KIRREL3: variants seen among roughly 807,000 people sequenced by gnomAD.
KIRREL3 encodes the protein kin of IRRE-like protein 3.
Under a neutral mutation model 89.7 loss-of-function variants are expected in KIRREL3, and 36 were observed. That is an observed-to-expected ratio of 0.40 (90% CI 0.31 to 0.53). The LOEUF is 0.53. Ranked by LOEUF, KIRREL3 falls within the 20% of genes least tolerant of loss-of-function variation. KIRREL3 has a pLI of 0.49. For synonymous variants in KIRREL3, 445 were observed against 441.4 expected (o/e 1.01, Z -0.10); for missense variants, 864 against 1,056.6 (o/e 0.82, Z 2.53).
At chr11:126,874,620 G>A (rs1427225556) in intron 1 of KIRREL3, among the ~76,000 whole-genome samples, 1 of 152,192 alleles carries the variant, frequency 6.6e-6, no homozygotes, top group African/African-American at 2.4e-5. Context: ...AAACAGTTTG[G>A]GAAGGAATTA....
In KIRREL3 at chr11:126,521,195, GC is replaced by G; in HGVS notation, c.433+119del. ...TATTGTGGAAGCAGCAGTGTCTGGAGCCCTGTGGGATGATCCCCAGAGGGGA... is the reference window on the plus strand; with the variant it reads ...TATTGTGGAAGCAGCAGTGTCTGGAGCCTGTGGGATGATCCCCAGAGGGGA... On this transcript the variant is annotated intron_variant, in intron 4 of 16. Coordinates refer to ENST00000525144, the MANE Select transcript of KIRREL3 (RefSeq NM_032531.4). The surrounding 1 kb of genome is among the most constrained non-coding windows in gnomAD (Gnocchi z 4.1). 9.3e-7 allele frequency: 1 copy of G among 1,076,950 alleles called. No individual in the cohort carries two copies. The highest frequency in any genetic ancestry group is 3.2e-5 in the Admixed American group (1 of 31,282). The allele number at this position is 1,076,950 out of a possible 1,614,324, so 66.7% of individuals were successfully genotyped here. A position where few individuals can be genotyped will look rare whatever the true frequency, so the allele number is the denominator to read the frequency against.
At chr11:126,713,737 G>GT (rs1947849879) in intron 1 of KIRREL3, among the ~76,000 whole-genome samples, 1 of 152,130 alleles carries the variant, frequency 6.6e-6, no homozygotes, top group African/African-American at 2.4e-5. Context: ...GTGGGGTTCC[G>GT]TAGGGGGATC....
In KIRREL3 at chr11:126,492,057, C is replaced by T. The variant is rs1339210397; in HGVS notation, c.434-18591G>A. Among the ~76,000 whole-genome samples the T allele has an allele frequency of 6.6e-6, 1 of 152,152 alleles. No individual in the cohort carries two copies. The highest frequency in any genetic ancestry group is 2.1e-4 in the South Asian group (1 of 4,824). On this transcript the variant is annotated intron_variant, in intron 4 of 16. Transcript: ENST00000525144. The surrounding 1 kb of genome is among the most constrained non-coding windows in gnomAD (Gnocchi z 4.8). ...ATCTGGACTTTTATTGTCTCACTTCCCTTCAGTGAGCCAAAGGGCCCCATC... is the reference window on the plus strand; with the variant it reads ...ATCTGGACTTTTATTGTCTCACTTCTCTTCAGTGAGCCAAAGGGCCCCATC...
At chr11:126,592,692 A>G (rs1942198880) in intron 1 of KIRREL3, among the ~76,000 whole-genome samples, 1 of 152,204 alleles carries the variant, frequency 6.6e-6, no homozygotes, top group Non-Finnish European at 1.5e-5. Context: ...GGAGGGAGCC[A>G]GGGTGGGGAG....
Position 126,740,553 on chromosome 11 carries a change from T to C in KIRREL3, c.56-177641A>G, listed in dbSNP as rs1317142458. ...ACATGTTCCTTATATTTGTGATGTA[T>C]TCCTATGGGCAAAGTATCGCTCTAG... On this transcript the variant is annotated intron_variant, in intron 1 of 16. Coordinates refer to ENST00000525144, the MANE Select transcript of KIRREL3 (RefSeq NM_032531.4). This position sits in a 1 kb window ranked among gnomAD's most constrained non-coding sequence, Gnocchi z 6.0. Among the ~76,000 whole-genome samples, 1 of 152,122 alleles carries C rather than the reference T, an allele frequency of 6.6e-6. No individual in the cohort carries two copies. Among genetic ancestry groups the C allele is most frequent in the Non-Finnish European group, 1.5e-5 (1 of 68,024 alleles).
intron 4 of KIRREL3, among the ~76,000 whole-genome samples, chr11:126,493,991 G>A (rs1412149620): frequency 2.0e-5 from 3 of 152,144 alleles, no homozygotes; most frequent in African/African-American, 4.8e-5. Context: ...CTTTAAGGGT[G>A]TACTCAAAAC....
At chr11:126,425,960 G>A (rs921243199) in intron 15 of KIRREL3, among the ~76,000 whole-genome samples, 7 of 152,240 alleles carry the variant, frequency 4.6e-5, no homozygotes, top group African/African-American at 1.7e-4. Flanking sequence ...GGGGAGGCGA[G>A]GGGCAGGTAT....
At chr11:126,727,520 C>G (rs1004266951) in intron 1 of KIRREL3, among the ~76,000 whole-genome samples, 1 of 152,200 alleles carries the variant, frequency 6.6e-6, no homozygotes, top group Admixed American at 6.5e-5. Context: ...AGGTGGGAGG[C>G]GCTCAGCTGT....
At position 126,771,763 on chromosome 11, in the gene KIRREL3, T is replaced by C. The variant is rs1276821939; in HGVS notation, c.56-208851A>G. Among the ~76,000 whole-genome samples, 6 of 152,156 alleles carry C rather than the reference T, an allele frequency of 3.9e-5. No individual in the cohort carries two copies. Among genetic ancestry groups the C allele is most frequent in the African/African-American group, 1.2e-4 (5 of 41,438 alleles). On this transcript the variant is annotated intron_variant, in intron 1 of 16. Transcript: ENST00000525144. The surrounding 1 kb of genome is among the most constrained non-coding windows in gnomAD (Gnocchi z 4.4). ...TCTAATGATCAACCAACATCTTTAT[T>C]AAAAAAACGTTTTCATGTGAAGCCA...
chr11:126,910,531 C>T (rs1017598175), intron 1 of KIRREL3, among the ~76,000 whole-genome samples: 8 of 152,136 alleles, frequency 5.3e-5, no homozygotes, highest in African/African-American at 1.9e-4. Flanking sequence ...TTGCTAAGAG[C>T]TTACTAAGGT....
rs1949008417 is a variant in KIRREL3, at chr11:126,742,187, G to T, written c.56-179275C>A. The stretch of plus-strand genomic sequence containing the variant: ...TAAGCCTTTAGAACAAATGTAAATG[G>T]ATCTTCAAAGAACAATATTATGATG... On this transcript the variant is annotated intron_variant, in intron 1 of 16. Transcript: ENST00000525144. This position sits in a 1 kb window ranked among gnomAD's most constrained non-coding sequence, Gnocchi z 5.3. Among the ~76,000 whole-genome samples, 1 of 152,110 alleles carries T rather than the reference G, an allele frequency of 6.6e-6. No individual in the cohort carries two copies.
rs1186966535 is a variant in KIRREL3, at chr11:126,666,055, A to T, written c.56-103143T>A. The stretch of plus-strand genomic sequence containing the variant: ...CTATGATCTGGACCTTTTTATTTTG[A>T]AGGCGCTCCTCGGAGATTCTGATTT... On this transcript the variant is annotated intron_variant, in intron 1 of 16. Coordinates refer to ENST00000525144, the MANE Select transcript of KIRREL3 (RefSeq NM_032531.4). This position sits in a 1 kb window ranked among gnomAD's most constrained non-coding sequence, Gnocchi z 4.2. Among the ~76,000 whole-genome samples, 1 of 152,204 alleles carries T rather than the reference A, an allele frequency of 6.6e-6. No homozygotes were observed. Among genetic ancestry groups the T allele is most frequent in the Non-Finnish European group, 1.5e-5 (1 of 68,036 alleles).
Position 126,989,860 on chromosome 11 carries a change from T to A in KIRREL3, c.55+10595A>T, listed in dbSNP as rs938617882. Among the ~76,000 whole-genome samples the A allele has an allele frequency of 6.6e-6, 1 of 152,192 alleles. No individual in the cohort carries two copies. On this transcript the variant is annotated intron_variant, in intron 1 of 16. Coordinates refer to ENST00000525144, the MANE Select transcript of KIRREL3 (RefSeq NM_032531.4). This position sits in a 1 kb window ranked among gnomAD's most constrained non-coding sequence, Gnocchi z 6.2. ...AAACAGCCATGGCCCGTGGTGGTTT[T>A]TTATAATGGTGTTGTTGGAAATTAG...
rs75246738 is a variant in KIRREL3, at chr11:126,533,572, G to A, written c.134-6885C>T. Among the ~76,000 whole-genome samples the A allele has an allele frequency of 4.8e-3, 729 of 152,260 alleles. 6 individuals are homozygous for A. The highest frequency in any genetic ancestry group is 0.016 in the African/African-American group (667 of 41,542). The stretch of plus-strand genomic sequence containing the variant: ...TCTTTAGCTCCCTGAGAAGGTGAGC[G>A]CAGACCTGCAGGTCCTCCAGTCACC... On this transcript the variant is annotated intron_variant, in intron 2 of 16. Transcript: ENST00000525144.
At chr11:126,518,754 C>T (rs370552477) in intron 4 of KIRREL3, among the ~76,000 whole-genome samples, 1 of 152,226 alleles carries the variant, frequency 6.6e-6, no homozygotes, top group African/African-American at 2.4e-5. Context: ...CAGGGGTCCC[C>T]TTCCAGCTGG....
In KIRREL3 at chr11:126,686,665, G is replaced by A. The variant is rs770706050; in HGVS notation, c.56-123753C>T. On this transcript the variant is annotated intron_variant, in intron 1 of 16. Coordinates refer to ENST00000525144, the MANE Select transcript of KIRREL3 (RefSeq NM_032531.4). This position sits in a 1 kb window ranked among gnomAD's most constrained non-coding sequence, Gnocchi z 4.7. ...CGTGATCTTGGCTCACTGCAACCTC[G>A]GCCTCTCCAGTTCAAGCAGTTCTCC... 8.6e-5 allele frequency among the ~76,000 whole-genome samples: 13 copies of A among 152,002 alleles called. No individual in the cohort carries two copies. The highest frequency in any genetic ancestry group is 1.2e-4 in the African/African-American group (5 of 41,380).
rs1484134390 is a variant in KIRREL3 at position 126,771,267 on chromosome 11, A to T, written c.56-208355T>A. ...TTATTCCCTTACTGTTTTTTTTTTT[A>T]AACAGATGAGGAAACCGAGGCTTAG... is the stretch of plus-strand genomic sequence containing the variant. On this transcript the variant is annotated intron_variant, in intron 1 of 16. Transcript: ENST00000525144. This position sits in a 1 kb window ranked among gnomAD's most constrained non-coding sequence, Gnocchi z 4.4. 7.5e-5 allele frequency among the ~76,000 whole-genome samples: 11 copies of T among 147,026 alleles called. No homozygotes were observed. Among genetic ancestry groups the T allele is most frequent in the Admixed American group, 7.4e-4 (11 of 14,854 alleles).
chr11:126,535,713 G>A lies in KIRREL3; in HGVS notation c.134-9026C>T, dbSNP rs1229489117. On this transcript the variant is annotated intron_variant, in intron 2 of 16. Coordinates refer to ENST00000525144, the MANE Select transcript of KIRREL3 (RefSeq NM_032531.4). This position sits in a 1 kb window ranked among gnomAD's most constrained non-coding sequence, Gnocchi z 4.5. ...AAGATTTTGGTTGAGGGCTGGGCCC[G>A]GTGGCTCACGCCTGTAATCCCAGCA... 1.3e-5 allele frequency among the ~76,000 whole-genome samples: 2 copies of A among 152,192 alleles called. No homozygotes were observed. The highest frequency in any genetic ancestry group is 2.4e-5 in the African/African-American group (1 of 41,454).
intron 1 of KIRREL3, among the ~76,000 whole-genome samples, chr11:126,804,359 C>T (rs1167235711): frequency 6.6e-6 from 1 of 152,122 alleles, no homozygotes; most frequent in Admixed American, 6.6e-5. Context: ...AGAGCATAAG[C>T]CAATTTACTT....
Sources: gnomAD v4.1 joint callset for allele counts (sites outside exome capture counted in the v4.1 genomes callset) on GRCh38, gnomAD v4.1.1 for gene constraint, Gnocchi (gnomAD v3.1) non-coding constraint, MANE v1.5 for transcripts, NCBI Gene and HGNC (gene_info 2026-07-23, HGNC 2026-07-21) for gene names.